Variants in ARHGAP39 observed in about 807,000 individuals in gnomAD.
The protein encoded by ARHGAP39 is Rho GTPase activating protein 39.
In ARHGAP39, 44 loss-of-function variants were observed where a neutral mutation model predicts 106.9. The observed-to-expected ratio is 0.41, with a 90% CI of 0.32 to 0.53. The LOEUF is 0.53. Ranked by LOEUF, ARHGAP39 falls within the 20% of genes least tolerant of loss-of-function variation. The probability of loss-of-function intolerance (pLI) is 0.21; values close to 1 mark genes in which losing one functional copy is unlikely to be tolerated. For synonymous variants in ARHGAP39, 768 were observed against 693.2 expected (o/e 1.11, Z -1.69); for missense variants, 1,496 against 1,577.3 (o/e 0.95, Z 0.87).
At chr8:144,557,619 C>T (rs1213272861) in intron 3 of ARHGAP39, among the ~76,000 whole-genome samples, 2 of 151,758 alleles carry the variant, frequency 1.3e-5, no homozygotes, top group East Asian at 1.9e-4. Context: ...AAGGCTGAAC[C>T]TTCGTAGTAT....
intron 2 of ARHGAP39, among the ~76,000 whole-genome samples, chr8:144,598,746 A>C (rs545118251): frequency 1.3e-5 from 2 of 152,362 alleles, no homozygotes; most frequent in South Asian, 2.1e-4. Context: ...GAGGTGACTA[A>C]AACACAGAGG....
chr8:144,599,510 G>A (rs1586595875), intron 2 of ARHGAP39, among the ~76,000 whole-genome samples: 1 of 152,200 alleles, frequency 6.6e-6, no homozygotes, highest in Non-Finnish European at 1.5e-5. Context: ...GAAAACAAGA[G>A]AGTTTCTGCC....
rs1586872298 is a variant in ARHGAP39, at chr8:144,534,146, G to C, written c.2671C>G (p.Leu891Val). The C allele has an allele frequency of 1.2e-6, 2 of 1,613,272 alleles. No homozygotes were observed. The highest frequency in any genetic ancestry group is 8.5e-7 in the Non-Finnish European group (1 of 1,179,816). The change falls in exon 8 of 12, where the codon CTG (leucine) becomes GTG (valine). Residue 891 changes from leucine to valine, a missense_variant. By Grantham distance (32) the Leu-to-Val change is conservative (BLOSUM62 1). Coordinates refer to ENST00000377307, the MANE Select transcript of ARHGAP39 (RefSeq NM_025251.3). ...ACCCGTACCTTCTTGGCCCCGGTCAGGGCTGCCTTCTGTAGCTTGTGGTAA... is the reference window on the plus strand; with the variant it reads ...ACCCGTACCTTCTTGGCCCCGGTCACGGCTGCCTTCTGTAGCTTGTGGTAA... ...YCYHKLQKAA[L>V]TGAKKGLKKP...
rs182366230 is a variant in ARHGAP39 at position 144,681,199 on chromosome 8, C to T, written c.-82+4487G>A. On this transcript the variant is annotated intron_variant, in intron 1 of 11. Coordinates refer to ENST00000377307, the MANE Select transcript of ARHGAP39 (RefSeq NM_025251.3). Reference sequence around the variant, plus strand: ...ACAAGTCTAAGTGGCAGATGAAAGACACAACGAGGCAAGCACAGTGGCAGC... The same window carrying T: ...ACAAGTCTAAGTGGCAGATGAAAGATACAACGAGGCAAGCACAGTGGCAGC... Among the ~76,000 whole-genome samples the T allele has an allele frequency of 4.0e-3, 606 of 152,326 alleles. 1 individual carries two copies. The highest frequency in any genetic ancestry group is 6.8e-3 in the Non-Finnish European group (461 of 68,030).
intron 7 of ARHGAP39, among the ~76,000 whole-genome samples, chr8:144,537,078 C>T (rs1241121367): frequency 1.3e-5 from 2 of 152,130 alleles, no homozygotes; most frequent in African/African-American, 4.8e-5. Flanking sequence ...CTTGGTCTGA[C>T]AGCGTAGCTC....
chr8:144,584,714 G>C (rs2130906123), intron 2 of ARHGAP39, among the ~76,000 whole-genome samples: 1 of 152,326 alleles, frequency 6.6e-6, no homozygotes. Flanking sequence ...AGGCAGCTGA[G>C]ATCACGCCAC....
In ARHGAP39 at chr8:144,530,685, C is replaced by G; in HGVS notation, c.3150+17G>C. On this transcript the variant is annotated intron_variant, in intron 11 of 11. Coordinates refer to ENST00000377307, the MANE Select transcript of ARHGAP39 (RefSeq NM_025251.3). ...CGGGGAGGGGAAAGCAGCGGGGACC[C>G]CCGGGGAGGGAAGTACCTGCAGGAA... is the stretch of plus-strand genomic sequence containing the variant. 1.3e-6 allele frequency: 2 copies of G among 1,573,128 alleles called. No homozygotes were observed. Among genetic ancestry groups the G allele is most frequent in the Non-Finnish European group, 1.7e-6 (2 of 1,158,014 alleles).
At chr8:144,623,377 C>T (rs1460214193) in intron 1 of ARHGAP39, among the ~76,000 whole-genome samples, 2 of 152,120 alleles carry the variant, frequency 1.3e-5, no homozygotes, top group African/African-American at 4.8e-5. Context: ...CTAGTTAAGA[C>T]AAAGACTGTC....
intron 1 of ARHGAP39, among the ~76,000 whole-genome samples, chr8:144,606,250 G>A (rs1047395376): frequency 1.3e-5 from 2 of 152,172 alleles, no homozygotes; most frequent in African/African-American, 2.4e-5. Flanking sequence ...TTCACCAGGT[G>A]TACAGTCCAT....
intron 1 of ARHGAP39, among the ~76,000 whole-genome samples, chr8:144,621,875 C>T (rs188783383): frequency 1.3e-5 from 2 of 152,328 alleles, no homozygotes; most frequent in East Asian, 3.9e-4. Flanking sequence ...GATAAAACTA[C>T]AGTTTCAGGC....
At chr8:144,544,992 T>C (rs1817347819) in intron 6 of ARHGAP39, among the ~76,000 whole-genome samples, 1 of 152,174 alleles carries the variant, frequency 6.6e-6, no homozygotes, top group African/African-American at 2.4e-5. Flanking sequence ...TGGAGCAGAG[T>C]GGATGCGGCC....
chr8:144,573,477 G>C (rs1586566794), intron 3 of ARHGAP39, among the ~76,000 whole-genome samples: 2 of 151,554 alleles, frequency 1.3e-5, no homozygotes, highest in South Asian at 4.2e-4. Flanking sequence ...GCTGGGGGAG[G>C]GACAGCGTTA....
chr8:144,638,660 G>A (rs1285560978), intron 1 of ARHGAP39, among the ~76,000 whole-genome samples: 2 of 152,084 alleles, frequency 1.3e-5, no homozygotes, highest in African/African-American at 4.8e-5. Context: ...AAATCTTCCT[G>A]ATCACTCCTG....
intron 3 of ARHGAP39, among the ~76,000 whole-genome samples, chr8:144,557,501 G>A (rs76777343): frequency 8.3e-4 from 110 of 133,278 alleles, no homozygotes; most frequent in Non-Finnish European, 1.5e-3. Context: ...CTGAACCTTC[G>A]TAGTATTCAG....
intron 4 of ARHGAP39, among the ~76,000 whole-genome samples, chr8:144,554,009 A>G (rs1022483775): frequency 2.0e-5 from 3 of 152,220 alleles, no homozygotes; most frequent in Non-Finnish European, 1.5e-5. Context: ...TGGCCAGCAC[A>G]TGGATGTACT....
rs1307182126 is a variant in ARHGAP39 at position 144,684,161 on chromosome 8, G to T, written c.-82+1525C>A. ...CCCCTGCCTCTCAGGAAGACAGCTG[G>T]CTACACCAAGTGCAGGGAGCGAGGC... On this transcript the variant is annotated intron_variant, in intron 1 of 11. Transcript: ENST00000377307. This position sits in a 1 kb window ranked among gnomAD's most constrained non-coding sequence, Gnocchi z 4.4. Among the ~76,000 whole-genome samples, 1 of 152,210 alleles carries T rather than the reference G, an allele frequency of 6.6e-6. No individual in the cohort carries two copies.
At chr8:144,620,428 T>C (rs1470485059) in intron 1 of ARHGAP39, among the ~76,000 whole-genome samples, 66 of 91,148 alleles carry the variant, frequency 7.2e-4, no homozygotes, top group African/African-American at 3.1e-3. Flanking sequence ...CAAGGGAGCG[T>C]GTGTGCCCGT....
At chr8:144,630,420 A>T (rs765458086) in intron 1 of ARHGAP39, among the ~76,000 whole-genome samples, 2 of 152,074 alleles carry the variant, frequency 1.3e-5, no homozygotes. Context: ...ACGGTGGCTA[A>T]GAAGCGCCCC....
intron 1 of ARHGAP39, among the ~76,000 whole-genome samples, chr8:144,607,619 A>G (rs1471705331): frequency 6.6e-6 from 1 of 152,140 alleles, no homozygotes; most frequent in African/African-American, 2.4e-5. Context: ...TGCTAATTCA[A>G]GGGGAAATAA....
Sources: allele counts gnomAD v4.1 joint callset (sites outside exome capture counted in the v4.1 genomes callset), GRCh38; gene constraint gnomAD v4.1.1; non-coding constraint Gnocchi (gnomAD v3.1); transcripts MANE v1.5; gene names NCBI Gene and HGNC (gene_info 2026-07-23, HGNC 2026-07-21).